Variants in BRINP3 observed in about 807,000 individuals in gnomAD.
The protein encoded by BRINP3 is BMP/retinoic acid-inducible neural-specific protein 3.
Under a neutral mutation model 71.0 loss-of-function variants are expected in BRINP3, and 19 were observed. The ratio of observed to expected loss-of-function variants is 0.27; its 90% confidence interval spans 0.19 to 0.39. The LOEUF (loss-of-function observed/expected upper bound fraction) is 0.39, where lower values mean the gene tolerates loss of function less well. Among genes scored for constraint, BRINP3 ranks in the 10% least tolerant of loss-of-function variants. The pLI, the probability that BRINP3 is intolerant of heterozygous loss-of-function variation, is 1.00. For missense variants in BRINP3, 959 were observed against 940.8 expected, an observed-to-expected ratio of 1.02 and a Z score of -0.25; for synonymous variants, 380 against 337.7, an observed-to-expected ratio of 1.13 and a Z score of -1.37.
chr1:190,293,253 T>C (rs1009113796), intron 2 of BRINP3, among the ~76,000 whole-genome samples: 1 of 152,128 alleles, frequency 6.6e-6, no homozygotes, highest in African/African-American at 2.4e-5. Flanking sequence ...TTTTAAATTT[T>C]TCTTTTTTAA....
At chr1:190,271,937 A>C (rs1258423675) in intron 3 of BRINP3, among the ~76,000 whole-genome samples, 2 of 151,566 alleles carry the variant, frequency 1.3e-5, no homozygotes, top group African/African-American at 2.4e-5. Flanking sequence ...GACACATAAC[A>C]AGAAGTAGGG....
chr1:190,475,826 G>GT lies in BRINP3; in HGVS notation c.-51+1621dup, dbSNP rs994387960. The GT allele has an allele frequency of 7.2e-4, 107 of 148,826 alleles. No individual in the cohort carries two copies. The Middle Eastern group carries it at 0.01, about 14-fold the overall frequency. The allele number at this position is 148,826 out of a possible 1,614,324, so 9.2% of individuals were successfully genotyped here. On this transcript the variant is annotated intron_variant, in intron 1 of 7. Transcript: ENST00000367462. ...CTTACTGGATCTGACTGTACTGAAAGTTTTTTTTTTCTTTTTCTTTTTTTT... is the reference window on the plus strand; with the variant it reads ...CTTACTGGATCTGACTGTACTGAAAGTTTTTTTTTTTCTTTTTCTTTTTTTT...
At chr1:190,190,105 A>T (rs1653901846) in intron 6 of BRINP3, among the ~76,000 whole-genome samples, 1 of 152,096 alleles carries the variant, frequency 6.6e-6, no homozygotes, top group Non-Finnish European at 1.5e-5. Flanking sequence ...CTGGAGACTG[A>T]ATTCACCAAG....
chr1:190,356,008 C>G (rs542233596), intron 2 of BRINP3, among the ~76,000 whole-genome samples: 1 of 151,912 alleles, frequency 6.6e-6, no homozygotes, highest in Non-Finnish European at 1.5e-5. Context: ...GCTATATATT[C>G]GCCTACATGT....
chr1:190,151,022 G>C (rs564463752), intron 7 of BRINP3, among the ~76,000 whole-genome samples: 1 of 152,034 alleles, frequency 6.6e-6, no homozygotes, highest in African/African-American at 2.4e-5. Context: ...TGGTGTGTGC[G>C]TGTAATATCA....
At chr1:190,197,560 G>T (rs903736340) in intron 6 of BRINP3, among the ~76,000 whole-genome samples, 1 of 152,146 alleles carries the variant, frequency 6.6e-6, no homozygotes, top group Admixed American at 6.5e-5. Context: ...AAACGAAGGG[G>T]CAACAGGCCC....
intron 2 of BRINP3, among the ~76,000 whole-genome samples, chr1:190,291,688 C>G (rs1406361731): frequency 6.6e-6 from 1 of 151,978 alleles, no homozygotes; most frequent in East Asian, 1.9e-4. Flanking sequence ...AAAAGGTAAC[C>G]CTTGCACACA....
intron 6 of BRINP3, among the ~76,000 whole-genome samples, chr1:190,185,998 A>C (rs1393088745): frequency 6.6e-6 from 1 of 152,142 alleles, no homozygotes; most frequent in East Asian, 1.9e-4. Context: ...ACCATACATT[A>C]TATTTATGAA....
At chr1:190,391,319 A>G (rs376280299) in intron 2 of BRINP3, among the ~76,000 whole-genome samples, 3 of 151,782 alleles carry the variant, frequency 2.0e-5, no homozygotes, top group Non-Finnish European at 2.9e-5. Context: ...TGAAGAGAAT[A>G]TGGGTTACTC....
intron 2 of BRINP3, among the ~76,000 whole-genome samples, chr1:190,321,923 A>T (rs1666273091): frequency 6.6e-6 from 1 of 152,072 alleles, no homozygotes; most frequent in Admixed American, 6.6e-5. Flanking sequence ...TGCAAGAAAA[A>T]GTATAAGCCT....
chr1:190,257,288 A>G (rs1660751358), intron 4 of BRINP3, among the ~76,000 whole-genome samples: 1 of 152,088 alleles, frequency 6.6e-6, no homozygotes, highest in South Asian at 2.1e-4. Context: ...TGGCTAGTGA[A>G]GCTTGTGCAT....
intron 2 of BRINP3, among the ~76,000 whole-genome samples, chr1:190,378,047 G>A (rs569712774): frequency 4.0e-4 from 61 of 152,142 alleles, no homozygotes; most frequent in African/African-American, 1.3e-3. Context: ...TGGAATCTCA[G>A]GGGACGGAAT....
chr1:190,174,449 C>A (rs942424890), intron 6 of BRINP3, among the ~76,000 whole-genome samples: 2 of 152,026 alleles, frequency 1.3e-5, no homozygotes, highest in African/African-American at 2.4e-5. Context: ...CACATACACA[C>A]ATGTACATTG....
chr1:190,356,336 A>G (rs902833207), intron 2 of BRINP3, among the ~76,000 whole-genome samples: 1 of 151,876 alleles, frequency 6.6e-6, no homozygotes, highest in Non-Finnish European at 1.5e-5. Flanking sequence ...GAATAGTGTC[A>G]TTTTTTTCCT....
chr1:190,278,328 G>A (rs1194664271), intron 3 of BRINP3, among the ~76,000 whole-genome samples: 1 of 151,484 alleles, frequency 6.6e-6, no homozygotes, highest in Non-Finnish European at 1.5e-5. Flanking sequence ...TTAATTAAGA[G>A]AAAGAAGTGG....
intron 1 of BRINP3, among the ~76,000 whole-genome samples, chr1:190,460,919 T>A (rs1430998770): frequency 6.6e-6 from 1 of 152,166 alleles, no homozygotes; most frequent in Non-Finnish European, 1.5e-5. Context: ...CCATTTTACT[T>A]GATCAGCTCA....
At chr1:190,190,544 C>T (rs1023635729) in intron 6 of BRINP3, among the ~76,000 whole-genome samples, 7 of 152,104 alleles carry the variant, frequency 4.6e-5, no homozygotes, top group African/African-American at 1.7e-4. Context: ...TGCCACCTTG[C>T]TCTGCTCCCT....
chr1:190,470,848 G>A (rs1033895029), intron 1 of BRINP3, among the ~76,000 whole-genome samples: 1 of 151,202 alleles, frequency 6.6e-6, no homozygotes, highest in South Asian at 2.1e-4. Flanking sequence ...TTTGGGAAAA[G>A]ATATTGATTA....
intron 7 of BRINP3, among the ~76,000 whole-genome samples, chr1:190,133,535 T>A (rs1288534085): frequency 6.6e-6 from 1 of 152,002 alleles, no homozygotes; most frequent in African/African-American, 2.4e-5. Context: ...AAAAAAAGTA[T>A]GATGGATGAA....
Sources: allele counts gnomAD v4.1 joint callset (sites outside exome capture counted in the v4.1 genomes callset), GRCh38; gene constraint gnomAD v4.1.1; transcripts MANE v1.5; gene names NCBI Gene and HGNC (gene_info 2026-07-23, HGNC 2026-07-21).